Variants in TRAF3IP3 observed in about 807,000 individuals in gnomAD.
The protein encoded by TRAF3IP3 is TRAF3 interacting protein 3.
Under a neutral mutation model 86.5 loss-of-function variants are expected in TRAF3IP3, and 64 were observed. The ratio of observed to expected loss-of-function variants is 0.74; its 90% CI spans 0.60 to 0.91. The LOEUF (loss-of-function observed/expected upper bound fraction) is 0.91. Among genes scored for constraint, TRAF3IP3 ranks in the 40% least tolerant of loss-of-function variants. The pLI is 0.00. For missense variants in TRAF3IP3, 579 were observed against 642.9 expected, an observed-to-expected ratio of 0.90 and a Z score of 1.07; for synonymous variants, 220 against 243.9, an observed-to-expected ratio of 0.90 and a Z score of 0.91.
intron 3 of TRAF3IP3, 93 bp downstream of exon 3, chr1:209,760,477 A>T: frequency 9.2e-7 from 1 of 1,084,604 alleles, no homozygotes; most frequent in Non-Finnish European, 1.3e-6. Context: ...AAAGTGACCT[A>T]AATCAAGTCC....
chr1:209,764,002 G>GA (rs1244097786), intron 8 of TRAF3IP3, among the ~76,000 whole-genome samples: 4 of 152,192 alleles, frequency 2.6e-5, no homozygotes, highest in Non-Finnish European at 1.5e-5. Context: ...ATCAGAGTGG[G>GA]AAGGGACCTT....
rs1238490590 is a variant in TRAF3IP3 at position 209,763,553 on chromosome 1, C to G, written c.668C>G (p.Ser223Cys). Residue 223 changes from serine to cysteine, a missense_variant, in exon 8 of 17, where the codon TCC (serine) becomes TGC (cysteine). Physicochemically the swap from Ser to Cys is moderately radical, Grantham distance 112 (BLOSUM62 -1). Coordinates refer to ENST00000367025, the MANE Select transcript of TRAF3IP3 (RefSeq NM_025228.4). ...QKMVILQDLL[S>C]TLIQASDSSW... ...ATGGTGATTCTCCAAGACCTACTGT[C>G]CACTCTGATTCAGGCCTCTGACAGC... is the stretch of plus-strand genomic sequence containing the variant. 1 of 1,614,176 alleles carries G rather than the reference C, an allele frequency of 6.2e-7. No individual in the cohort carries two copies. Among genetic ancestry groups the G allele is most frequent in the Admixed American group, 1.7e-5 (1 of 60,028 alleles).
At chr1:209,781,829 T>C in intron 16 of TRAF3IP3, 2 of 556,856 alleles carry the variant, frequency 3.6e-6, no homozygotes, top group South Asian at 2.2e-5. Context: ...CATATCAGTA[T>C]TTATATATCT....
intron 8 of TRAF3IP3, among the ~76,000 whole-genome samples, chr1:209,763,835 A>G (rs1453137765): frequency 6.6e-6 from 1 of 152,238 alleles, no homozygotes; most frequent in Non-Finnish European, 1.5e-5. Flanking sequence ...AAAAGTGGCA[A>G]GAATTCCCAT....
chr1:209,778,584 C>G (rs1207616239), intron 13 of TRAF3IP3: 2 of 163,854 alleles, frequency 1.2e-5, no homozygotes, highest in African/African-American at 4.8e-5. Flanking sequence ...CATATTGGGC[C>G]CAAAGAGGAA....
At chr1:209,780,659 C>G in intron 15 of TRAF3IP3, 53 bp downstream of exon 15, 1 of 1,437,572 alleles carries the variant, frequency 7.0e-7, no homozygotes, top group Non-Finnish European at 9.2e-7. Flanking sequence ...AGCAGAGAAA[C>G]CTGGGAGGCA....
Position 209,768,263 on chromosome 1 carries a change from G to C in TRAF3IP3, c.702+4676G>C, listed in dbSNP as rs564917028. On this transcript the variant is annotated intron_variant, in intron 8 of 16. Coordinates refer to ENST00000367025, the MANE Select transcript of TRAF3IP3 (RefSeq NM_025228.4). ...AGAACTTACCACAAACTCCCTATTA[G>C]AATCCCAAGGATCAGCTCCCTCCGC... The C allele has an allele frequency of 6.1e-6, 6 of 985,326 alleles. No individual in the cohort carries two copies. In the East Asian group the frequency reaches 6.8e-4, roughly 112 times the overall value. 61.0% of individuals were successfully genotyped at this position (985,326 alleles called of 1,614,324 possible).
intron 9 of TRAF3IP3, 57 bp from the exon 10 acceptor site, chr1:209,775,292 C>A: frequency 6.6e-7 from 1 of 1,521,604 alleles, no homozygotes. Flanking sequence ...TATCCCAGCT[C>A]AGGATTTGGC....
rs748009121 is a variant in TRAF3IP3 at position 209,781,420 on chromosome 1, C to T, written c.1525C>T (p.Arg509Ter). The T allele has an allele frequency of 3.4e-5, 55 of 1,613,478 alleles. No individual in the cohort carries two copies. In the Middle Eastern group the frequency reaches 4.9e-4, roughly 14 times the overall value. Residue 509 changes from arginine to a stop codon, truncating the protein, a stop_gained, in exon 16 of 17, where the codon CGA (arginine) becomes TGA (stop). Coordinates refer to ENST00000367025, the MANE Select transcript of TRAF3IP3 (RefSeq NM_025228.4). LOFTEE classifies it high-confidence loss of function. ...CTGCCTGCGTAAGCTGCAGCACTGTCGAGAAGAGCTGAACCAGAGCCAGCA... is the reference window on the plus strand; with the variant it reads ...CTGCCTGCGTAAGCTGCAGCACTGTTGAGAAGAGCTGAACCAGAGCCAGCA... ...LSCLRKLQHC[R>*]EELNQSQQLP...
At chr1:209,768,734 C>T (rs1022750272) in intron 8 of TRAF3IP3, 2 of 976,876 alleles carry the variant, frequency 2.0e-6, no homozygotes, top group African/African-American at 3.5e-5. Context: ...CTCCCGGGGT[C>T]TAACTGCCTA....
intron 8 of TRAF3IP3, among the ~76,000 whole-genome samples, chr1:209,769,941 A>G (rs2077431143): frequency 6.6e-6 from 1 of 152,134 alleles, no homozygotes; most frequent in Non-Finnish European, 1.5e-5. Flanking sequence ...CTACACAGAT[A>G]CACCCTACAC....
At chr1:209,760,451 G>GGC (rs1221238188) in intron 3 of TRAF3IP3, 67 bp downstream of exon 3, 2 of 1,371,172 alleles carry the variant, frequency 1.5e-6, no homozygotes. Flanking sequence ...AGGGTGGGTG[G>GGC]GCTCAAGGTC....
Position 209,775,692 on chromosome 1 carries a change from A to G in TRAF3IP3, c.1009A>G (p.Arg337Gly), listed in dbSNP as rs748259170. Reference protein sequence around the residue: ...EDWRTLGTQHRELESQLHVLQ... With the variant: ...EDWRTLGTQHGELESQLHVLQ... ...CTGGAGGACCCTTGGGACCCAGCAC[A>G]GGGAGCTGGAGAGCCAACTCCACGT... is the stretch of plus-strand genomic sequence containing the variant. Residue 337 changes from arginine to glycine, a missense_variant, in exon 11 of 17, where the codon AGG (arginine) becomes GGG (glycine). Transcript: ENST00000367025. The G allele has an allele frequency of 4.4e-5, 71 of 1,613,982 alleles. No individual in the cohort carries two copies. Among genetic ancestry groups the G allele is most frequent in the Non-Finnish European group, 5.9e-5 (70 of 1,179,982 alleles).
intron 8 of TRAF3IP3, among the ~76,000 whole-genome samples, chr1:209,767,159 AT>A (rs1469278135): frequency 5.3e-5 from 8 of 152,222 alleles, no homozygotes; most frequent in African/African-American, 1.9e-4. Flanking sequence ...AACTTGAATA[AT>A]GCATGGACCC....
chr1:209,770,613 T>C (rs1252168129), intron 8 of TRAF3IP3, among the ~76,000 whole-genome samples: 1 of 131,586 alleles, frequency 7.6e-6, no homozygotes, highest in African/African-American at 2.8e-5. Flanking sequence ...GAGGTGTGTG[T>C]GCAGCTGGAA....
chr1:209,782,109 G>C lies in TRAF3IP3; in HGVS notation c.1617G>C (p.Leu539=). ...TGATGGTGGTGATTGCTGCAGCACT[G>C]GCAGTGTTCCTGGCCAATAAAGACA... The part of the protein sequence containing the change: ...PVLMVVIAAA[L]AVFLANKDNL... Residue 539 remains leucine (L), a synonymous_variant, in exon 17 of 17, where the codon CTG becomes CTC. Transcript: ENST00000367025. The C allele has an allele frequency of 6.2e-7, 1 of 1,614,152 alleles. No homozygotes were observed. The highest frequency in any genetic ancestry group is 8.5e-7 in the Non-Finnish European group (1 of 1,180,002).
At chr1:209,761,784 A>T (rs1424875053) in intron 3 of TRAF3IP3, among the ~76,000 whole-genome samples, 1 of 152,238 alleles carries the variant, frequency 6.6e-6, no homozygotes, top group African/African-American at 2.4e-5. Context: ...TGGGATCTGA[A>T]CCCAGATCCC....
rs1377539198 is a variant in TRAF3IP3, at chr1:209,763,045, T to C, written c.552-23T>C. 6 of 1,613,324 alleles carry C rather than the reference T, an allele frequency of 3.7e-6. No homozygotes were observed. In the Admixed American group the frequency reaches 6.7e-5, roughly 18 times the overall value. Reference sequence around the variant, plus strand: ...TTGATTCTTTGGTCCATTATCATTATTTTTAATTTCTTCTCTTTCCAGTTA... The same window carrying C: ...TTGATTCTTTGGTCCATTATCATTACTTTTAATTTCTTCTCTTTCCAGTTA... On this transcript the variant is annotated intron_variant, in intron 5 of 16. Coordinates refer to ENST00000367025, the MANE Select transcript of TRAF3IP3 (RefSeq NM_025228.4).
At chr1:209,768,814 G>A (rs759908056) in intron 8 of TRAF3IP3, among the ~76,000 whole-genome samples, 21 of 152,222 alleles carry the variant, frequency 1.4e-4, no homozygotes, top group Non-Finnish European at 3.1e-4. Context: ...CAGTGTGGGG[G>A]ACCCTGGGGC....
Sources: gnomAD v4.1 joint callset for allele counts (sites outside exome capture counted in the v4.1 genomes callset) on GRCh38, gnomAD v4.1.1 for gene constraint, MANE v1.5 for transcripts, NCBI Gene and HGNC (gene_info 2026-07-23, HGNC 2026-07-21) for gene names.